Variants in GRID2 observed in about 807,000 individuals in gnomAD.
The protein encoded by GRID2 is glutamate receptor ionotropic, delta-2.
GRID2 carries 33 observed loss-of-function variants against 114.8 expected under a neutral mutation model. The observed-to-expected ratio is 0.29, with a 90% CI of 0.22 to 0.38. The LOEUF is 0.38. Among genes scored for constraint, GRID2 ranks in the 10% least tolerant of loss-of-function variants. GRID2 has a pLI of 1.00. For missense variants in GRID2, 1,184 were observed against 1,257.7 expected, an observed-to-expected ratio of 0.94 and a Z score of 0.89; for synonymous variants, 505 against 449.9, an observed-to-expected ratio of 1.12 and a Z score of -1.55.
chr4:93,794,381 A>G (rs1307569112), intron 1 of GRID2, among the ~76,000 whole-genome samples: 1 of 152,158 alleles, frequency 6.6e-6, no homozygotes, highest in Non-Finnish European at 1.5e-5. Context: ...ACACTTTAAT[A>G]ACCCACACCT....
intron 2 of GRID2, among the ~76,000 whole-genome samples, chr4:92,909,205 G>A (rs1366344803): frequency 2.0e-5 from 3 of 149,898 alleles, no homozygotes; most frequent in Non-Finnish European, 4.4e-5. Flanking sequence ...AAGTTTACTG[G>A]TTGAATTAAT....
chr4:93,143,527 G>T (rs1012226672), intron 4 of GRID2, among the ~76,000 whole-genome samples: 1 of 152,136 alleles, frequency 6.6e-6, no homozygotes, highest in Non-Finnish European at 1.5e-5. Context: ...GTAAATCTTA[G>T]TTGCTTCTTC....
intron 1 of GRID2, among the ~76,000 whole-genome samples, chr4:92,337,499 A>T (rs950110692): frequency 1.3e-5 from 2 of 152,166 alleles, no homozygotes; most frequent in African/African-American, 4.8e-5. Flanking sequence ...TAAGTGTATT[A>T]GTCTGTTCTG....
At chr4:92,918,033 C>G (rs375362265) in intron 2 of GRID2, among the ~76,000 whole-genome samples, 15 of 152,072 alleles carry the variant, frequency 9.9e-5, no homozygotes, top group South Asian at 4.2e-4. Context: ...TCATTGAGCA[C>G]TGGTTTGTAG....
intron 8 of GRID2, among the ~76,000 whole-genome samples, chr4:93,339,082 G>C (rs143655109): frequency 6.6e-6 from 1 of 152,152 alleles, no homozygotes; most frequent in Non-Finnish European, 1.5e-5. Flanking sequence ...AACAAACAGA[G>C]CTCCTACCTA....
intron 2 of GRID2, among the ~76,000 whole-genome samples, chr4:92,799,110 C>A (rs951692254): frequency 6.6e-6 from 1 of 151,882 alleles, no homozygotes; most frequent in Non-Finnish European, 1.5e-5. Context: ...ACATACTCAC[C>A]ATAATGTAGA....
intron 2 of GRID2, among the ~76,000 whole-genome samples, chr4:92,612,828 A>C (rs890501305): frequency 1.3e-5 from 2 of 151,346 alleles, no homozygotes; most frequent in African/African-American, 2.4e-5. Context: ...GTTTTTGTGG[A>C]TCTGTCAGGA....
At chr4:93,278,477 G>A (rs1175071393) in intron 8 of GRID2, among the ~76,000 whole-genome samples, 1 of 151,890 alleles carries the variant, frequency 6.6e-6, no homozygotes, top group Non-Finnish European at 1.5e-5. Context: ...TAGTGCTAGG[G>A]AAGGCTAATG....
intron 11 of GRID2, among the ~76,000 whole-genome samples, chr4:93,469,498 A>T (rs1724602685): frequency 6.6e-6 from 1 of 151,938 alleles, no homozygotes; most frequent in Non-Finnish European, 1.5e-5. Flanking sequence ...ATCCATAAAG[A>T]TCTTAAAATC....
chr4:93,264,709 G>GAGATATAT (rs149017341), intron 8 of GRID2, among the ~76,000 whole-genome samples: 4 of 132,918 alleles, frequency 3.0e-5, no homozygotes, highest in African/African-American at 8.9e-5. Flanking sequence ...AGTTTTGAAT[G>GAGATATAT]ATATATATAT....
At chr4:92,950,304 A>G (rs1428284654) in intron 2 of GRID2, among the ~76,000 whole-genome samples, 2 of 152,172 alleles carry the variant, frequency 1.3e-5, no homozygotes, top group African/African-American at 4.8e-5. Context: ...CCTCTAACTG[A>G]CAGAGCAATG....
intron 1 of GRID2, among the ~76,000 whole-genome samples, chr4:92,563,737 T>A (rs1475569413): frequency 1.3e-5 from 2 of 152,124 alleles, no homozygotes; most frequent in Non-Finnish European, 2.9e-5. Flanking sequence ...GTTAATGACA[T>A]CTTAAATATA....
intron 14 of GRID2, among the ~76,000 whole-genome samples, chr4:93,731,707 C>T (rs537562964): frequency 1.3e-5 from 2 of 152,270 alleles, no homozygotes; most frequent in South Asian, 4.1e-4. Context: ...GGTATGCAGA[C>T]TCATTCCAGA....
chr4:93,410,531 T>C (rs1182803755), intron 9 of GRID2, among the ~76,000 whole-genome samples: 1 of 152,196 alleles, frequency 6.6e-6, no homozygotes, highest in African/African-American at 2.4e-5. Context: ...AGAAGCCCTG[T>C]CCTCTCTTGC....
At chr4:93,068,998 G>A (rs1473363710) in intron 2 of GRID2, among the ~76,000 whole-genome samples, 27 of 151,994 alleles carry the variant, frequency 1.8e-4, no homozygotes, top group Non-Finnish European at 1.5e-5. Flanking sequence ...CACATGGCCA[G>A]AGCAGAAACA....
intron 2 of GRID2, among the ~76,000 whole-genome samples, chr4:92,688,797 T>C (rs558677624): frequency 6.6e-6 from 1 of 152,342 alleles, no homozygotes; most frequent in African/African-American, 2.4e-5. Flanking sequence ...GTTAACGTTC[T>C]TAATGGTATC....
intron 4 of GRID2, among the ~76,000 whole-genome samples, chr4:93,121,896 G>A (rs776228555): frequency 2.0e-5 from 3 of 152,086 alleles, no homozygotes; most frequent in African/African-American, 7.2e-5. Flanking sequence ...GATTTATTTT[G>A]TATATTTATT....
intron 8 of GRID2, among the ~76,000 whole-genome samples, chr4:93,388,860 C>A (rs1416559578): frequency 2.0e-5 from 3 of 152,090 alleles, no homozygotes; most frequent in Non-Finnish European, 4.4e-5. Context: ...AGACTGACAG[C>A]TTGATTTTTG....
chr4:93,391,924 T>TA (rs1185425968), intron 8 of GRID2, among the ~76,000 whole-genome samples: 1 of 152,146 alleles, frequency 6.6e-6, no homozygotes, highest in African/African-American at 2.4e-5. Context: ...ATTAAAGCAC[T>TA]AGGCATTTTA....
Sources: allele counts gnomAD v4.1 joint callset (sites outside exome capture counted in the v4.1 genomes callset), GRCh38; gene constraint gnomAD v4.1.1; transcripts MANE v1.5; gene names NCBI Gene and HGNC (gene_info 2026-07-23, HGNC 2026-07-21).